The following PDE1A variants were observed in gnomAD, a reference collection of about 807,000 sequenced individuals.
PDE1A encodes phosphodiesterase 1A.
In PDE1A, 35 loss-of-function variants were observed where a neutral mutation model predicts 61.7. The ratio of observed to expected loss-of-function variants is 0.57; its 90% CI spans 0.43 to 0.75. The LOEUF (loss-of-function observed/expected upper bound fraction) is 0.75, where lower values mean the gene tolerates loss of function less well. PDE1A is among the 30% of genes least tolerant of loss of function. The probability of loss-of-function intolerance (pLI) is 0.00; values close to 1 mark genes in which losing one functional copy is unlikely to be tolerated. For synonymous variants in PDE1A, 232 were observed against 213.2 expected, an observed-to-expected ratio of 1.09 and a Z score of -0.77; for missense variants, 597 against 630.6, an observed-to-expected ratio of 0.95 and a Z score of 0.57.
chr2:182,625,192 C>T, the PDE1A span, among the ~76,000 whole-genome samples: 3 of 152,140 alleles, frequency 2.0e-5, no homozygotes, highest in Admixed American at 6.5e-5. Context: ...CTGACCATGC[C>T]AGTAGCCTGG....
intron 1 of PDE1A, among the ~76,000 whole-genome samples, chr2:182,277,590 CA>C (rs1693517064): frequency 6.6e-6 from 1 of 152,022 alleles, no homozygotes; most frequent in African/African-American, 2.4e-5. Flanking sequence ...AGTAACTTGG[CA>C]AGACGAATTT....
At chr2:182,516,005 G>C (rs1470458450) in intron 2 of PDE1A, among the ~76,000 whole-genome samples, 1 of 97,462 alleles carries the variant, frequency 1.0e-5, no homozygotes, top group African/African-American at 3.2e-5. Context: ...TGTGTGTGTT[G>C]GGTGAGGACA....
chr2:182,395,302 C>T (rs376442785), intron 1 of PDE1A, among the ~76,000 whole-genome samples: 2 of 152,196 alleles, frequency 1.3e-5, no homozygotes, highest in Non-Finnish European at 2.9e-5. Context: ...GATTGCTTTT[C>T]CTTTTCACAA....
At chr2:182,359,205 G>A (rs1699365166) in intron 1 of PDE1A, among the ~76,000 whole-genome samples, 1 of 152,130 alleles carries the variant, frequency 6.6e-6, no homozygotes, top group Non-Finnish European at 1.5e-5. Flanking sequence ...TACATAAACA[G>A]TTCTGCTTCC....
At chr2:182,422,137 T>C (rs962049368) in intron 1 of PDE1A, among the ~76,000 whole-genome samples, 3 of 152,206 alleles carry the variant, frequency 2.0e-5, no homozygotes, top group African/African-American at 7.2e-5. Context: ...TGTACAGACT[T>C]GTTCTCAATT....
the PDE1A span, among the ~76,000 whole-genome samples, chr2:182,558,219 C>T: frequency 1.3e-5 from 2 of 151,684 alleles, no homozygotes; most frequent in Non-Finnish European, 2.9e-5. Flanking sequence ...AACATTACAA[C>T]AGTTTGACAA....
At chr2:182,567,783 C>T in the PDE1A span, among the ~76,000 whole-genome samples, 11 of 145,108 alleles carry the variant, frequency 7.6e-5, no homozygotes, top group Admixed American at 1.4e-4. Context: ...CTTTTTTTTT[C>T]TTTTTTTCTT....
chr2:182,420,945 GAACT>G (rs1574616618), intron 1 of PDE1A, among the ~76,000 whole-genome samples: 1 of 152,194 alleles, frequency 6.6e-6, no homozygotes, highest in Admixed American at 6.5e-5. Flanking sequence ...TTTCCCATGA[GAACT>G]AACTGTCAAA....
At chr2:182,504,933 T>A (rs1689305297) in intron 2 of PDE1A, among the ~76,000 whole-genome samples, 1 of 152,228 alleles carries the variant, frequency 6.6e-6, no homozygotes, top group Non-Finnish European at 1.5e-5. Flanking sequence ...AAGTTTCTTT[T>A]TAAGGACCCA....
intron 2 of PDE1A, among the ~76,000 whole-genome samples, chr2:182,462,675 C>CA (rs1686386744): frequency 6.6e-6 from 1 of 152,010 alleles, no homozygotes; most frequent in Non-Finnish European, 1.5e-5. Context: ...AGGGTGTAAG[C>CA]AGGGAGCCCT....
intron 2 of PDE1A, among the ~76,000 whole-genome samples, chr2:182,249,112 T>G (rs1691205597): frequency 6.6e-6 from 1 of 152,228 alleles, no homozygotes; most frequent in Admixed American, 6.5e-5. Flanking sequence ...AGCTCCACTC[T>G]GCACCACAGG....
At chr2:182,290,812 C>T (rs1287618842) in intron 1 of PDE1A, among the ~76,000 whole-genome samples, 1 of 152,004 alleles carries the variant, frequency 6.6e-6, no homozygotes, top group Non-Finnish European at 1.5e-5. Context: ...GCACCTCCTA[C>T]TTGAGTTCTC....
At chr2:182,419,982 CCTTA>C (rs1326139561) in intron 1 of PDE1A, among the ~76,000 whole-genome samples, 9 of 151,082 alleles carry the variant, frequency 6.0e-5, no homozygotes, top group South Asian at 2.1e-4. Context: ...GAGCTGATAC[CCTTA>C]CTTAATTAAT....
At chr2:182,498,412 G>A (rs1173382735) in intron 2 of PDE1A, among the ~76,000 whole-genome samples, 4 of 151,918 alleles carry the variant, frequency 2.6e-5, no homozygotes, top group Non-Finnish European at 5.9e-5. Flanking sequence ...CTGAGAGATA[G>A]ATGTTAAAGT....
At chr2:182,549,258 ATAAAGT>A in the PDE1A span, among the ~76,000 whole-genome samples, 19 of 152,160 alleles carry the variant, frequency 1.2e-4, no homozygotes, top group African/African-American at 3.1e-4. Flanking sequence ...TTCATAGAAG[ATAAAGT>A]TAAAGTCTAC....
At chr2:182,171,752 G>A (rs568566156) in intron 13 of PDE1A, among the ~76,000 whole-genome samples, 4 of 151,018 alleles carry the variant, frequency 2.6e-5, no homozygotes, top group African/African-American at 9.7e-5. Context: ...ACATCAAACT[G>A]CTACTAGATG....
chr2:182,696,191 GC>G, the PDE1A span, among the ~76,000 whole-genome samples: 1 of 152,174 alleles, frequency 6.6e-6, no homozygotes, highest in African/African-American at 2.4e-5. Flanking sequence ...ATTCATAATT[GC>G]CAAAATGTGG....
At chr2:182,181,724 G>T (rs915231631) in intron 13 of PDE1A, among the ~76,000 whole-genome samples, 1 of 152,162 alleles carries the variant, frequency 6.6e-6, no homozygotes, top group Non-Finnish European at 1.5e-5. Context: ...AGTCCTGTCT[G>T]TAAGCCCCTG....
At chr2:182,614,600 C>A in the PDE1A span, among the ~76,000 whole-genome samples, 9 of 145,428 alleles carry the variant, frequency 6.2e-5, no homozygotes, top group African/African-American at 2.3e-4. Context: ...CTGTCTTACC[C>A]AGGCTGGAGT....
Sources: allele counts gnomAD v4.1 joint callset (sites outside exome capture counted in the v4.1 genomes callset), GRCh38; gene constraint gnomAD v4.1.1; transcripts MANE v1.5; gene names NCBI Gene and HGNC (gene_info 2026-07-23, HGNC 2026-07-21).